PCDHA10: variants seen among roughly 807,000 people sequenced by gnomAD.
PCDHA10 encodes the protein protocadherin alpha 10, also known as protocadherin alpha-10.
PCDHA10 carries 45 observed loss-of-function variants against 61.2 expected under a neutral mutation model. That is an observed-to-expected ratio of 0.74 (90% CI 0.58 to 0.94). The LOEUF (loss-of-function observed/expected upper bound fraction) is 0.94. PCDHA10 is among the 40% of genes least tolerant of loss of function. The pLI, the probability that PCDHA10 is intolerant of heterozygous loss-of-function variation, is 0.00. For synonymous variants in PCDHA10, 602 were observed against 548.8 expected (o/e 1.10, Z -1.35); for missense variants, 1,278 against 1,236.2 (o/e 1.03, Z -0.51).
At chr5:140,883,844 G>T (rs1404353270) in intron 1 of PCDHA10, 10 of 1,612,718 alleles carry the variant, frequency 6.2e-6, no homozygotes, top group South Asian at 1.1e-5. Flanking sequence ...GTTGGACCAC[G>T]AGGAGCTGGA....
At chr5:140,892,111 A>G (rs918433393) in intron 1 of PCDHA10, among the ~76,000 whole-genome samples, 3 of 152,206 alleles carry the variant, frequency 2.0e-5, no homozygotes, top group Admixed American at 2.0e-4. Context: ...CTTGGCATTT[A>G]TATCTGGAAC....
chr5:140,907,997 T>G (rs1352895327), intron 1 of PCDHA10, among the ~76,000 whole-genome samples: 1 of 152,186 alleles, frequency 6.6e-6, no homozygotes, highest in East Asian at 1.9e-4. Flanking sequence ...TCCTTAACCA[T>G]CCAGCCAAAC....
At chr5:140,876,750 T>C (rs2056553251) in intron 1 of PCDHA10, 7 of 1,614,238 alleles carry the variant, frequency 4.3e-6, no homozygotes, top group African/African-American at 1.3e-5. Flanking sequence ...TGGTGGTGAC[T>C]GCGCGGGATG....
At position 140,927,971 on chromosome 5, in the gene PCDHA10, C is replaced by T. The variant is rs868922082; in HGVS notation, c.2389-50978C>T. On this transcript the variant is annotated intron_variant, in intron 1 of 3. Transcript: ENST00000307360. ...GACGCTGCCCCTGGCACAGTGATTGCTCTCTTTAGTGTAAAGGATGAAGAC... is the reference window on the plus strand; with the variant it reads ...GACGCTGCCCCTGGCACAGTGATTGTTCTCTTTAGTGTAAAGGATGAAGAC... 5.0e-6 allele frequency: 8 copies of T among 1,614,224 alleles called. No homozygotes were observed. In the African/African-American group the frequency reaches 9.3e-5, roughly 19 times the overall value.
chr5:141,009,372 T>C (rs1026606654), intron 3 of PCDHA10, among the ~76,000 whole-genome samples: 3 of 152,152 alleles, frequency 2.0e-5, no homozygotes, highest in Non-Finnish European at 1.5e-5. Context: ...GATGGGAGGA[T>C]TGATTGAGCA....
intron 3 of PCDHA10, among the ~76,000 whole-genome samples, chr5:140,984,674 G>A (rs2097114009): frequency 6.6e-6 from 1 of 152,090 alleles, no homozygotes; most frequent in Non-Finnish European, 1.5e-5. Context: ...AGGTTTTTAG[G>A]ACTCAATATA....
intron 1 of PCDHA10, among the ~76,000 whole-genome samples, chr5:140,943,257 C>CAAA (rs1238620023): frequency 1.0e-4 from 8 of 76,640 alleles, no homozygotes; most frequent in Admixed American, 6.0e-4. Context: ...GACTCTGTCT[C>CAAA]AAAAAAAAAA....
intron 1 of PCDHA10, among the ~76,000 whole-genome samples, chr5:140,950,403 A>C (rs2094477208): frequency 6.6e-6 from 1 of 151,818 alleles, no homozygotes; most frequent in Admixed American, 6.6e-5. Flanking sequence ...ATTCTGGGGG[A>C]TTGACAGATT....
intron 1 of PCDHA10, among the ~76,000 whole-genome samples, chr5:140,884,893 G>T (rs1186873075): frequency 1.3e-5 from 2 of 152,138 alleles, no homozygotes; most frequent in East Asian, 1.9e-4. Context: ...AGAATATTTT[G>T]TTTCTGTTGT....
chr5:141,004,414 C>A (rs2153980954), intron 3 of PCDHA10, among the ~76,000 whole-genome samples: 1 of 152,330 alleles, frequency 6.6e-6, no homozygotes, highest in Non-Finnish European at 1.5e-5. Context: ...CTGACTAGAT[C>A]TCTGCCTCCT....
At chr5:140,861,662 G>A (rs1396410741) in intron 1 of PCDHA10, 1 of 264,436 alleles carries the variant, frequency 3.8e-6, no homozygotes, top group East Asian at 9.8e-5. Flanking sequence ...TGAAACGAGA[G>A]CTCTTGATTA....
chr5:140,913,138 T>C (rs1367874502), intron 1 of PCDHA10, among the ~76,000 whole-genome samples: 1 of 152,204 alleles, frequency 6.6e-6, no homozygotes, highest in East Asian at 1.9e-4. Flanking sequence ...CTCTACTTTT[T>C]GGAATAGTTT....
chr5:140,974,832 T>C (rs114216401), intron 1 of PCDHA10, among the ~76,000 whole-genome samples: 60 of 152,346 alleles, frequency 3.9e-4, no homozygotes, highest in African/African-American at 1.4e-3. Context: ...ATAATGATTA[T>C]TTTAAATGTT....
At chr5:140,867,122 T>C (rs2049769007) in intron 1 of PCDHA10, 1 of 152,160 alleles carries the variant, frequency 6.6e-6, no homozygotes. Context: ...TTGTTTTAAT[T>C]CAAATATGTG....
chr5:140,932,593 A>T (rs1347990722), intron 1 of PCDHA10, among the ~76,000 whole-genome samples: 1 of 151,922 alleles, frequency 6.6e-6, no homozygotes, highest in South Asian at 2.1e-4. Context: ...GATGTTTTGT[A>T]TATCTATTTT....
intron 1 of PCDHA10, among the ~76,000 whole-genome samples, chr5:140,922,582 G>T (rs548638056): frequency 6.6e-5 from 10 of 152,160 alleles, no homozygotes; most frequent in Non-Finnish European, 1.5e-4. Flanking sequence ...CCCTGTAGCC[G>T]CCAGTTCTCA....
At chr5:140,976,248 T>G (rs1476905185) in intron 1 of PCDHA10, among the ~76,000 whole-genome samples, 5 of 152,032 alleles carry the variant, frequency 3.3e-5, no homozygotes, top group African/African-American at 9.7e-5. Context: ...TCATGTAAAT[T>G]TATTTAAAAC....
At chr5:140,877,708 G>A in intron 1 of PCDHA10, 12 of 1,614,072 alleles carry the variant, frequency 7.4e-6, no homozygotes, top group Non-Finnish European at 1.0e-5. Flanking sequence ...CAGCGCCGTG[G>A]GGAGTTGGTC....
At chr5:140,898,497 T>G (rs1473036595) in intron 1 of PCDHA10, among the ~76,000 whole-genome samples, 2 of 152,216 alleles carry the variant, frequency 1.3e-5, no homozygotes, top group African/African-American at 4.8e-5. Flanking sequence ...ATCAGATAGT[T>G]GTAGATATGC....
Sources: allele counts gnomAD v4.1 joint callset (sites outside exome capture counted in the v4.1 genomes callset), GRCh38; gene constraint gnomAD v4.1.1; transcripts MANE v1.5; gene names NCBI Gene and HGNC (gene_info 2026-07-23, HGNC 2026-07-21).